The following SMIM10L2A variants were observed in gnomAD, a reference collection of about 807,000 sequenced individuals.
SMIM10L2A encodes the protein small integral membrane protein 10-like protein 2A.
SMIM10L2A carries 2 observed loss-of-function variants against 3.0 expected under a neutral mutation model. The observed-to-expected ratio is 0.66, with a 90% CI of 0.27 to 2.08. The LOEUF is 2.08. SMIM10L2A is among the 30% of genes most tolerant of loss of function. SMIM10L2A has a pLI of 0.14. For synonymous variants in SMIM10L2A, 29 were observed against 34.8 expected, an observed-to-expected ratio of 0.83 and a Z score of 0.58; for missense variants, 59 against 66.5, an observed-to-expected ratio of 0.89 and a Z score of 0.39.
intron 1 of SMIM10L2A, among the ~76,000 whole-genome samples, chrX:135,423,348 G>A (rs1467863553): frequency 1.8e-5 from 2 of 112,679 alleles, no homozygotes; most frequent in African/African-American, 3.2e-5. Flanking sequence ...CCCTCCCCTA[G>A]TCTTGCTCTT....
rs1388499935 is a variant in SMIM10L2A, at chrX:135,425,147, G to T, written c.*1877G>T. The T allele has an allele frequency of 8.9e-6, 1 of 112,097 alleles. No homozygotes were observed. The highest frequency in any genetic ancestry group is 1.9e-5 in the Non-Finnish European group (1 of 53,041). 9.2% of individuals were successfully genotyped at this position (112,097 alleles called of 1,213,427 possible). A position where few individuals can be genotyped will look rare whatever the true frequency, so the allele number is the denominator to read the frequency against. The stretch of plus-strand genomic sequence containing the variant: ...AGCCTCTTCCTGGGCCAGCCAGGAA[G>T]GCTGGAGGAAAGCTCTTTGCTGAGT... On this transcript the variant is annotated 3_prime_UTR_variant, in exon 2 of 2. Coordinates refer to ENST00000417443, the MANE Select transcript of SMIM10L2A (RefSeq NM_203306.3).
At position 135,427,327 on chromosome X, in the gene SMIM10L2A, A is replaced by G. The variant is rs1242733108; in HGVS notation, c.*4057A>G. On this transcript the variant is annotated 3_prime_UTR_variant, in exon 2 of 2. Transcript: ENST00000417443. ...GAAATCCAGGGCTTGGATGAGGGGT[A>G]GACCTGAGAGCCTTCTCCAAATGGA... The G allele has an allele frequency of 8.9e-6, 1 of 111,836 alleles. No individual in the cohort carries two copies. The highest frequency in any genetic ancestry group is 3.3e-5 in the African/African-American group (1 of 30,682). The allele number at this position is 111,836 out of a possible 1,213,427, so 9.2% of individuals were successfully genotyped here.
rs1189645959 is a variant in SMIM10L2A at position 135,425,192 on chromosome X, G to C, written c.*1922G>C. ...CTGAGTGCATGCATGGGAGTGTGGG[G>C]GGTGACTGAGCCCTCCCCATGCAAG... On this transcript the variant is annotated 3_prime_UTR_variant, in exon 2 of 2. Coordinates refer to ENST00000417443, the MANE Select transcript of SMIM10L2A (RefSeq NM_203306.3). The C allele has an allele frequency of 1.8e-5, 2 of 111,859 alleles. No individual in the cohort carries two copies. The highest frequency in any genetic ancestry group is 6.5e-5 in the African/African-American group (2 of 30,720). The allele number at this position is 111,859 out of a possible 1,213,427, so 9.2% of individuals were successfully genotyped here.
chrX:135,422,157 C>A lies in SMIM10L2A; in HGVS notation c.26C>A (p.Ala9Glu). The A allele has an allele frequency of 1.4e-6, 1 of 716,173 alleles. No individual in the cohort carries two copies. The highest frequency in any genetic ancestry group is 3.9e-5 in the Admixed American group (1 of 25,550). The allele number at this position is 716,173 out of a possible 1,213,427, so 59.0% of individuals were successfully genotyped here. The part of the protein sequence containing the change: MAASAALS[A>E]AAAAAALSGL... ...ATGGCGGCGTCGGCGGCTCTGTCTG[C>A]AGCGGCGGCTGCGGCGGCCCTGTCT... The change falls in exon 1 of 2, where the codon GCA becomes GAA. Residue 9 changes from alanine to glutamate, a missense_variant. By Grantham distance (107) the Ala-to-Glu change is moderately radical (BLOSUM62 -1). Transcript: ENST00000417443.
rs1356429174 is a variant in SMIM10L2A at position 135,425,245 on chromosome X, T to C, written c.*1975T>C. The C allele has an allele frequency of 2.7e-5, 3 of 111,872 alleles. No homozygotes were observed. The highest frequency in any genetic ancestry group is 9.8e-5 in the African/African-American group (3 of 30,679). 9.2% of individuals were successfully genotyped at this position (111,872 alleles called of 1,213,427 possible). Reference sequence around the variant, plus strand: ...GCTTGGCCTGGGACCCTGGAAGCTGTTTCCCTACTGGGATAAAGTTGCGTC... The same window carrying C: ...GCTTGGCCTGGGACCCTGGAAGCTGCTTCCCTACTGGGATAAAGTTGCGTC... On this transcript the variant is annotated 3_prime_UTR_variant, in exon 2 of 2. Coordinates refer to ENST00000417443, the MANE Select transcript of SMIM10L2A (RefSeq NM_203306.3).
At chrX:135,422,811 A>G (rs1295674279) in intron 1 of SMIM10L2A, 81 bp downstream of exon 1, 6 of 113,078 alleles carry the variant, frequency 5.3e-5, no homozygotes, top group African/African-American at 1.9e-4. Context: ...GTCAGGGGGA[A>G]GTATGGAAGG....
intron 1 of SMIM10L2A, among the ~76,000 whole-genome samples, chrX:135,423,284 C>G (rs1381411657): frequency 5.3e-5 from 6 of 112,440 alleles, no homozygotes; most frequent in Non-Finnish European, 9.4e-5. Flanking sequence ...AGGGCACCCC[C>G]CAAGCTCTGC....
rs1309236894 is a variant in SMIM10L2A at position 135,422,466 on chromosome X, G to T, written c.*98G>T. On this transcript the variant is annotated 3_prime_UTR_variant, in exon 1 of 2. Coordinates refer to ENST00000417443, the MANE Select transcript of SMIM10L2A (RefSeq NM_203306.3). ...CCGGCATGAAGGAAAGCTGGGCCGC[G>T]GCGGGGGGCGGAGGCGGGGCGGCTC... is the stretch of plus-strand genomic sequence containing the variant. 4 of 269,534 alleles carry T rather than the reference G, an allele frequency of 1.5e-5. No homozygotes were observed. Among genetic ancestry groups the T allele is most frequent in the Non-Finnish European group, 2.6e-5 (4 of 155,518 alleles). The allele number at this position is 269,534 out of a possible 1,213,427, so 22.2% of individuals were successfully genotyped here. A position where few individuals can be genotyped will look rare whatever the true frequency, so the allele number is the denominator to read the frequency against.
chrX:135,424,056 G>A lies in SMIM10L2A; in HGVS notation c.*786G>A, dbSNP rs1274793277. 1 of 112,180 alleles carries A rather than the reference G, an allele frequency of 8.9e-6. No homozygotes were observed. Among genetic ancestry groups the A allele is most frequent in the East Asian group, 2.8e-4 (1 of 3,540 alleles). 9.2% of individuals were successfully genotyped at this position (112,180 alleles called of 1,213,427 possible). A position where few individuals can be genotyped will look rare whatever the true frequency, so the allele number is the denominator to read the frequency against. Reference sequence around the variant, plus strand: ...AGTCTTCTTCAAGACCTGGCATGGTGGGAGGAGGGAGGGGGAAGTGGAGAG... The same window carrying A: ...AGTCTTCTTCAAGACCTGGCATGGTAGGAGGAGGGAGGGGGAAGTGGAGAG... On this transcript the variant is annotated 3_prime_UTR_variant, in exon 2 of 2. Coordinates refer to ENST00000417443, the MANE Select transcript of SMIM10L2A (RefSeq NM_203306.3).
chrX:135,422,435 G>A lies in SMIM10L2A; in HGVS notation c.*67G>A. ...CCCGTGTCCCCGCCCGCCCCCGGCC[G>A]GGTCGCCGGCATGAAGGAAAGCTGG... is the stretch of plus-strand genomic sequence containing the variant. On this transcript the variant is annotated 3_prime_UTR_variant, in exon 1 of 2. Transcript: ENST00000417443. 6.3e-6 allele frequency: 2 copies of A among 317,412 alleles called. No individual in the cohort carries two copies. Among genetic ancestry groups the A allele is most frequent in the Non-Finnish European group, 1.0e-5 (2 of 193,779 alleles). 26.2% of individuals were successfully genotyped at this position (317,412 alleles called of 1,213,427 possible).
chrX:135,426,643 C>T lies in SMIM10L2A; in HGVS notation c.*3373C>T, dbSNP rs1293468205. On this transcript the variant is annotated 3_prime_UTR_variant, in exon 2 of 2. Coordinates refer to ENST00000417443, the MANE Select transcript of SMIM10L2A (RefSeq NM_203306.3). Reference sequence around the variant, plus strand: ...GACCCCAGTCCTTGATCTTCCCTCCCCTTTGTCTAGATGGTCCTCTTTATC... The same window carrying T: ...GACCCCAGTCCTTGATCTTCCCTCCTCTTTGTCTAGATGGTCCTCTTTATC... 1 of 113,219 alleles carries T rather than the reference C, an allele frequency of 8.8e-6. No homozygotes were observed. Among genetic ancestry groups the T allele is most frequent in the African/African-American group, 3.2e-5 (1 of 31,168 alleles). The allele number at this position is 113,219 out of a possible 1,213,427, so 9.3% of individuals were successfully genotyped here. A position where few individuals can be genotyped will look rare whatever the true frequency, so the allele number is the denominator to read the frequency against.
rs1359751110 is a variant in SMIM10L2A at position 135,426,529 on chromosome X, A to G, written c.*3259A>G. ...GGGGGCACTCCTGTTGCCAAGGGCT[A>G]CCCAGGGGTCAGAGCATCCTGACAA... On this transcript the variant is annotated 3_prime_UTR_variant, in exon 2 of 2. Transcript: ENST00000417443. The G allele has an allele frequency of 2.7e-5, 3 of 112,751 alleles. No homozygotes were observed. The East Asian group carries it at 8.5e-4, about 32-fold the overall frequency. The allele number at this position is 112,751 out of a possible 1,213,427, so 9.3% of individuals were successfully genotyped here.
rs1437500342 is a variant in SMIM10L2A at position 135,422,568 on chromosome X, G to A, written c.*200G>A. 6 of 231,750 alleles carry A rather than the reference G, an allele frequency of 2.6e-5. No homozygotes were observed. Among genetic ancestry groups the A allele is most frequent in the Non-Finnish European group, 4.7e-5 (6 of 128,851 alleles). The allele number at this position is 231,750 out of a possible 1,213,427, so 19.1% of individuals were successfully genotyped here. On this transcript the variant is annotated 3_prime_UTR_variant, in exon 1 of 2. Transcript: ENST00000417443. ...GCCCCGGCTGCGGTCTCAGCCCGGG[G>A]GCCCTGGATCGCGCAGAAACGCACT... is the stretch of plus-strand genomic sequence containing the variant.
rs1377031374 is a variant in SMIM10L2A, at chrX:135,424,380, A to G, written c.*1110A>G. On this transcript the variant is annotated 3_prime_UTR_variant, in exon 2 of 2. Transcript: ENST00000417443. The stretch of plus-strand genomic sequence containing the variant: ...TCTTGGTGTTGTGGCTCCTGGAGAC[A>G]CGACATAACCAGGAGGGTGAAGGGA... 9.0e-6 allele frequency: 1 copy of G among 110,607 alleles called. No individual in the cohort carries two copies. The highest frequency in any genetic ancestry group is 3.3e-5 in the African/African-American group (1 of 30,292). 9.1% of individuals were successfully genotyped at this position (110,607 alleles called of 1,213,427 possible). A position where few individuals can be genotyped will look rare whatever the true frequency, so the allele number is the denominator to read the frequency against.
rs1181971284 is a variant in SMIM10L2A at position 135,424,459 on chromosome X, C to G, written c.*1189C>G. ...CCATGGCATGACCCCAATTCTCTCTCCTCAAGCTCGACCCCCCATCCCCAG... is the reference window on the plus strand; with the variant it reads ...CCATGGCATGACCCCAATTCTCTCTGCTCAAGCTCGACCCCCCATCCCCAG... On this transcript the variant is annotated 3_prime_UTR_variant, in exon 2 of 2. Coordinates refer to ENST00000417443, the MANE Select transcript of SMIM10L2A (RefSeq NM_203306.3). 1 of 110,806 alleles carries G rather than the reference C, an allele frequency of 9.0e-6. No individual in the cohort carries two copies. The highest frequency in any genetic ancestry group is 3.3e-5 in the African/African-American group (1 of 30,290). The allele number at this position is 110,806 out of a possible 1,213,427, so 9.1% of individuals were successfully genotyped here.
chrX:135,423,233 G>C (rs782236467), intron 1 of SMIM10L2A, among the ~76,000 whole-genome samples: 10 of 112,553 alleles, frequency 8.9e-5, no homozygotes, highest in Admixed American at 2.8e-4. Context: ...ACTGGTCTCT[G>C]CCTGCTCCTG....
Position 135,422,198 on chromosome X carries a change from C to T in SMIM10L2A, c.67C>T (p.Leu23=), listed in dbSNP as rs1283238282. ...GGCCCTGTCTGGCCTGGCGGTGCGG[C>T]TGTCGCGCTCAGCTGCGGCCCGAGG... is the stretch of plus-strand genomic sequence containing the variant. ...AAALSGLAVR[L]SRSAAARGSY... is the part of the protein sequence containing the mutation. The change falls in exon 1 of 2, where the codon CTG becomes TTG. Residue 23 remains leucine, a synonymous_variant. Coordinates refer to ENST00000417443, the MANE Select transcript of SMIM10L2A (RefSeq NM_203306.3). 5.1e-6 allele frequency: 5 copies of T among 975,519 alleles called. No homozygotes were observed. The highest frequency in any genetic ancestry group is 4.0e-5 in the African/African-American group (2 of 49,834). The allele number at this position is 975,519 out of a possible 1,213,427, so 80.4% of individuals were successfully genotyped here.
Position 135,422,177 on chromosome X carries a change from C to G in SMIM10L2A, c.46C>G (p.Leu16Val). 1 of 872,174 alleles carries G rather than the reference C, an allele frequency of 1.1e-6. No individual in the cohort carries two copies. Among genetic ancestry groups the G allele is most frequent in the Admixed American group, 3.4e-5 (1 of 29,620 alleles). 71.9% of individuals were successfully genotyped at this position (872,174 alleles called of 1,213,427 possible). A position where few individuals can be genotyped will look rare whatever the true frequency, so the allele number is the denominator to read the frequency against. Residue 16 changes from leucine to valine, a missense_variant, in exon 1 of 2, where the codon CTG becomes GTG. Leu to Val is a conservative substitution (Grantham distance 32). Coordinates refer to ENST00000417443, the MANE Select transcript of SMIM10L2A (RefSeq NM_203306.3). ...ALSAAAAAAA[L>V]SGLAVRLSRS... ...GTCTGCAGCGGCGGCTGCGGCGGCC[C>G]TGTCTGGCCTGGCGGTGCGGCTGTC...
At position 135,427,143 on chromosome X, in the gene SMIM10L2A, C is replaced by T. The variant is rs1285103530; in HGVS notation, c.*3873C>T. 1 of 112,467 alleles carries T rather than the reference C, an allele frequency of 8.9e-6. No individual in the cohort carries two copies. Among genetic ancestry groups the T allele is most frequent in the East Asian group, 2.8e-4 (1 of 3,610 alleles). 9.3% of individuals were successfully genotyped at this position (112,467 alleles called of 1,213,427 possible). A position where few individuals can be genotyped will look rare whatever the true frequency, so the allele number is the denominator to read the frequency against. On this transcript the variant is annotated 3_prime_UTR_variant, in exon 2 of 2. Transcript: ENST00000417443. ...CCATTATCCCTGTTTTACAGAGAAA[C>T]CAAAGACAGGAACCAAGTCTGAAAC...
Sources: gnomAD v4.1 joint callset for allele counts (sites outside exome capture counted in the v4.1 genomes callset) on GRCh38, gnomAD v4.1.1 for gene constraint, MANE v1.5 for transcripts, NCBI Gene and HGNC (gene_info 2026-07-23, HGNC 2026-07-21) for gene names.